NLGN4X: variants seen among roughly 807,000 people sequenced by gnomAD.
NLGN4X encodes the protein neuroligin-4, X-linked.
In NLGN4X, 3 loss-of-function variants were observed where a neutral mutation model predicts 40.3. The observed-to-expected ratio is 0.07, with a 90% CI of 0.03 to 0.19. The LOEUF (loss-of-function observed/expected upper bound fraction) is 0.19, where lower values mean the gene tolerates loss of function less well. NLGN4X is among the 10% of genes least tolerant of loss of function. The pLI is 1.00. For missense variants in NLGN4X, 382 were observed against 708.3 expected, an observed-to-expected ratio of 0.54 and a Z score of 5.23; for synonymous variants, 270 against 306.8, an observed-to-expected ratio of 0.88 and a Z score of 1.25.
chrX:6,053,764 A>G (rs982985154), intron 2 of NLGN4X, among the ~76,000 whole-genome samples: 9 of 112,242 alleles, frequency 8.0e-5, no homozygotes, highest in African/African-American at 9.7e-5. Flanking sequence ...TTACTGAGAA[A>G]GCTTTCAAAA....
At chrX:6,059,062 A>T (rs980480906) in intron 2 of NLGN4X, among the ~76,000 whole-genome samples, 2 of 112,267 alleles carry the variant, frequency 1.8e-5, no homozygotes, top group Admixed American at 1.9e-4. Flanking sequence ...GCTAAAAAAA[A>T]ATATGCATTT....
At chrX:5,896,421 G>A (rs891741054) in intron 5 of NLGN4X, among the ~76,000 whole-genome samples, 2 of 111,302 alleles carry the variant, frequency 1.8e-5, no homozygotes, top group Non-Finnish European at 3.8e-5. Flanking sequence ...CTAGATGTGG[G>A]GTATCAGTGT....
chrX:6,061,396 T>C (rs1439767037), intron 2 of NLGN4X, among the ~76,000 whole-genome samples: 1 of 95,033 alleles, frequency 1.1e-5, no homozygotes, highest in African/African-American at 3.7e-5. Flanking sequence ...AGATTTTCCA[T>C]CTTAAAAGCA....
chrX:6,145,221 G>A (rs1447641067), intron 2 of NLGN4X, among the ~76,000 whole-genome samples: 2 of 111,310 alleles, frequency 1.8e-5, no homozygotes, highest in Admixed American at 1.9e-4. Context: ...CCCCGCCCTG[G>A]GATTTTTAGT....
At chrX:5,997,655 T>TAA (rs1415243272) in intron 3 of NLGN4X, among the ~76,000 whole-genome samples, 2 of 8,277 alleles carry the variant, frequency 2.4e-4, no homozygotes, top group Non-Finnish European at 4.4e-4. Context: ...TATATATATA[T>TAA]AATAGCCTTT....
At chrX:5,921,395 G>GAGAGAA (rs1353494603) in intron 3 of NLGN4X, among the ~76,000 whole-genome samples, 1 of 86,858 alleles carries the variant, frequency 1.2e-5, no homozygotes, top group Non-Finnish European at 2.2e-5. Context: ...ATGAACCAGA[G>GAGAGAA]AGAGAGAGAG....
At chrX:5,983,622 A>G (rs1331493187) in intron 3 of NLGN4X, among the ~76,000 whole-genome samples, 1 of 111,791 alleles carries the variant, frequency 8.9e-6, no homozygotes, top group African/African-American at 3.3e-5. Flanking sequence ...GAAACGATCC[A>G]GAGAGTATCG....
At chrX:5,904,706 C>T (rs776499001) in intron 4 of NLGN4X, among the ~76,000 whole-genome samples, 2 of 111,928 alleles carry the variant, frequency 1.8e-5, no homozygotes, top group East Asian at 2.8e-4. Flanking sequence ...TTTTTAACTA[C>T]GATAGGACAA....
chrX:6,109,735 C>T lies in NLGN4X; in HGVS notation c.472+41260G>A, dbSNP rs2039105453. On this transcript the variant is annotated intron_variant, in intron 2 of 5. Coordinates refer to ENST00000381095, the MANE Select transcript of NLGN4X (RefSeq NM_181332.3). ...TGGGTGTGCTCACTGCATCTGTGAG[C>T]AGTCTGAGCGAAAAAATAAAAACAA... Among the ~76,000 whole-genome samples the T allele has an allele frequency of 2.7e-5, 3 of 111,924 alleles. No individual in the cohort carries two copies. The South Asian group carries it at 1.1e-3, about 42-fold the overall frequency.
chrX:6,163,880 A>C (rs995050072), intron 1 of NLGN4X, among the ~76,000 whole-genome samples: 3 of 113,073 alleles, frequency 2.7e-5, no homozygotes, highest in African/African-American at 9.6e-5. Flanking sequence ...GGAAGACAGA[A>C]GGTCTTCAGT....
At chrX:6,049,368 T>C (rs1371884669) in intron 2 of NLGN4X, among the ~76,000 whole-genome samples, 1 of 103,829 alleles carries the variant, frequency 9.6e-6, no homozygotes, top group Non-Finnish European at 2.0e-5. Flanking sequence ...GCCCTCCCTA[T>C]ACCAGAAGGA....
At chrX:6,065,842 G>GT (rs1198635683) in intron 2 of NLGN4X, among the ~76,000 whole-genome samples, 3 of 111,449 alleles carry the variant, frequency 2.7e-5, no homozygotes, top group African/African-American at 9.8e-5. Flanking sequence ...TTTTAAGACT[G>GT]TTTTTTAAAA....
At chrX:5,949,694 C>T (rs1276566152) in intron 3 of NLGN4X, among the ~76,000 whole-genome samples, 1 of 112,149 alleles carries the variant, frequency 8.9e-6, no homozygotes, top group Non-Finnish European at 1.9e-5. Flanking sequence ...TGATACATGA[C>T]AACCACGTGA....
chrX:6,092,519 C>T (rs1013131911), intron 2 of NLGN4X, among the ~76,000 whole-genome samples: 7 of 112,016 alleles, frequency 6.2e-5, no homozygotes, highest in African/African-American at 2.3e-4. Flanking sequence ...CCAGCATAGG[C>T]CAGAAAATTC....
chrX:6,063,332 A>T (rs2037819498), intron 2 of NLGN4X, among the ~76,000 whole-genome samples: 1 of 111,758 alleles, frequency 8.9e-6, no homozygotes, highest in African/African-American at 3.3e-5. Context: ...ACATACAGAA[A>T]ATAAATAGCT....
chrX:6,051,474 T>C (rs2037490567), intron 2 of NLGN4X, among the ~76,000 whole-genome samples: 1 of 110,374 alleles, frequency 9.1e-6, no homozygotes, highest in Non-Finnish European at 1.9e-5. Flanking sequence ...GAGGAGAGGA[T>C]CCAGAAACAT....
At chrX:6,193,369 A>T (rs1250198836) in intron 1 of NLGN4X, among the ~76,000 whole-genome samples, 1 of 91,975 alleles carries the variant, frequency 1.1e-5, no homozygotes, top group African/African-American at 4.2e-5. Flanking sequence ...AGATCGCGCC[A>T]CAGCACTCCC....
intron 3 of NLGN4X, among the ~76,000 whole-genome samples, chrX:6,021,006 C>CTT (rs1569189894): frequency 2.6e-4 from 9 of 35,255 alleles, no homozygotes; most frequent in African/African-American, 5.4e-4. Flanking sequence ...CTTCTTTTCT[C>CTT]TCTCTCTCTC....
chrX:6,218,020 G>A (rs1342551830), intron 1 of NLGN4X, among the ~76,000 whole-genome samples: 1 of 111,886 alleles, frequency 8.9e-6, no homozygotes, highest in Non-Finnish European at 1.9e-5. Context: ...AAGTCTATCC[G>A]TTCCGCCTAA....
Sources: gnomAD v4.1 joint callset for allele counts (sites outside exome capture counted in the v4.1 genomes callset) on GRCh38, gnomAD v4.1.1 for gene constraint, MANE v1.5 for transcripts, NCBI Gene and HGNC (gene_info 2026-07-23, HGNC 2026-07-21) for gene names.